Variants in MRPS22 observed in about 807,000 individuals in gnomAD.
MRPS22 encodes the protein mitochondrial ribosomal protein S22.
Under a neutral mutation model 44.0 loss-of-function variants are expected in MRPS22, and 30 were observed. That is an observed-to-expected ratio of 0.68 (90% CI 0.51 to 0.93). MRPS22 has a LOEUF of 0.93. Ranked by LOEUF, MRPS22 falls within the 40% of genes least tolerant of loss-of-function variation. The pLI, the probability that MRPS22 is intolerant of heterozygous loss-of-function variation, is 0.00. For missense variants in MRPS22, 447 were observed against 447.8 expected (o/e 1.00, Z 0.02); for synonymous variants, 165 against 154.4 (o/e 1.07, Z -0.51).
intron 1 of MRPS22, among the ~76,000 whole-genome samples, chr3:139,346,502 A>G (rs1024639329): frequency 6.6e-6 from 1 of 152,208 alleles, no homozygotes; most frequent in Non-Finnish European, 1.5e-5. Flanking sequence ...ATCCTCATTT[A>G]TAAAATTGGG....
rs565794807 is a variant in MRPS22 at position 139,355,298 on chromosome 3, C to T, written c.879-384C>T. Among the ~76,000 whole-genome samples, 159 of 152,222 alleles carry T rather than the reference C, an allele frequency of 1.0e-3. 1 individual carries two copies. Among genetic ancestry groups the T allele is most frequent in the African/African-American group, 3.8e-3 (157 of 41,526 alleles). On this transcript the variant is annotated intron_variant, in intron 6 of 7. Coordinates refer to ENST00000680020, the MANE Select transcript of MRPS22 (RefSeq NM_020191.4). ...ATGTGGGATGAAGCTGTGTTTCTGT[C>T]CTCTGAGTTGGATTAGACTATTACA...
At chr3:139,345,446 TTTTG>T (rs1560004688) in intron 1 of MRPS22, among the ~76,000 whole-genome samples, 3 of 140,468 alleles carry the variant, frequency 2.1e-5, no homozygotes, top group Admixed American at 1.4e-4. Flanking sequence ...GTGTTTTTTT[TTTTG>T]TTTTTTTTTT....
In MRPS22 at chr3:139,352,692, G is replaced by A; in HGVS notation, c.778G>A (p.Asp260Asn). The change falls in exon 6 of 8, where the codon GAC becomes AAC. Residue 260 changes from aspartate (D) to asparagine (N), a missense_variant. By Grantham distance (23) the Asp-to-Asn change is conservative. Coordinates refer to ENST00000680020, the MANE Select transcript of MRPS22 (RefSeq NM_020191.4). Reference protein sequence around the residue: ...YEDIDKRGKYDLLRSTRYFGG... With the variant: ...YEDIDKRGKYNLLRSTRYFGG... ...AGATATAGATAAACGTGGAAAATATGACCTTTTACGTTCAACAAGATACTT... is the reference window on the plus strand; with the variant it reads ...AGATATAGATAAACGTGGAAAATATAACCTTTTACGTTCAACAAGATACTT... The A allele has an allele frequency of 6.2e-7, 1 of 1,613,316 alleles. No homozygotes were observed. The highest frequency in any genetic ancestry group is 8.5e-7 in the Non-Finnish European group (1 of 1,179,350).
chr3:139,346,387 C>G (rs541382419), intron 1 of MRPS22, among the ~76,000 whole-genome samples: 5 of 152,132 alleles, frequency 3.3e-5, no homozygotes, highest in Non-Finnish European at 7.3e-5. Context: ...TACCGAGGAG[C>G]GCTATGATAA....
At chr3:139,351,268 G>T (rs1193174246) in intron 5 of MRPS22, 2 of 572,044 alleles carry the variant, frequency 3.5e-6, no homozygotes, top group African/African-American at 3.8e-5. Context: ...TAAGCTTGTA[G>T]AATTAAGTAG....
Position 139,357,020 on chromosome 3 carries a change from T to A in MRPS22, c.*6T>A, listed in dbSNP as rs1164581792. On this transcript the variant is annotated 3_prime_UTR_variant, in exon 8 of 8. Coordinates refer to ENST00000680020, the MANE Select transcript of MRPS22 (RefSeq NM_020191.4). ...GCCATTCTGCAGCTTCCTAAAAATA[T>A]TTTAAAAATACATTTATTTTACTAA... is the stretch of plus-strand genomic sequence containing the variant. 3 of 1,591,992 alleles carry A rather than the reference T, an allele frequency of 1.9e-6. No individual in the cohort carries two copies. The African/African-American group carries it at 4.0e-5, about 21-fold the overall frequency.
chr3:139,354,630 C>T (rs114734985), intron 6 of MRPS22, among the ~76,000 whole-genome samples: 14 of 152,200 alleles, frequency 9.2e-5, no homozygotes, highest in African/African-American at 3.4e-4. Flanking sequence ...CAGTATAAGC[C>T]CAGAGCATTT....
Position 139,352,713 on chromosome 3 carries a change from T to G in MRPS22, c.799T>G (p.Tyr267Asp). ...ATATGACCTTTTACGTTCAACAAGA[T>G]ACTTTGGTGGAATGGTGTGGTATTT... ...GKYDLLRSTR[Y>D]FGGMVWYFVN... Residue 267 changes from tyrosine (Y) to aspartate (D), a missense_variant, in exon 6 of 8, where the codon TAC becomes GAC. By Grantham distance (160) the Tyr-to-Asp change is radical. Coordinates refer to ENST00000680020, the MANE Select transcript of MRPS22 (RefSeq NM_020191.4). 1.2e-6 allele frequency: 2 copies of G among 1,613,580 alleles called. No individual in the cohort carries two copies. The highest frequency in any genetic ancestry group is 1.7e-6 in the Non-Finnish European group (2 of 1,179,496).
At chr3:139,345,456 T>TG (rs1243911789) in intron 1 of MRPS22, among the ~76,000 whole-genome samples, 23 of 149,100 alleles carry the variant, frequency 1.5e-4, no homozygotes, top group Non-Finnish European at 2.1e-4. Flanking sequence ...TTTTGTTTTT[T>TG]TTTTTTTTTT....
chr3:139,352,823 A>G, intron 6 of MRPS22, 31 bp downstream of exon 6: 1 of 1,604,670 alleles, frequency 6.2e-7, no homozygotes. Flanking sequence ...TGAAAGAATC[A>G]TTCTTATTGC....
intron 3 of MRPS22, among the ~76,000 whole-genome samples, chr3:139,349,726 A>G (rs990103143): frequency 6.6e-6 from 1 of 152,194 alleles, no homozygotes; most frequent in African/African-American, 2.4e-5. Flanking sequence ...AATATAAGAA[A>G]TCATAAAAGT....
intron 5 of MRPS22, chr3:139,351,308 G>T (rs1941147413): frequency 2.1e-6 from 1 of 484,362 alleles, no homozygotes; most frequent in African/African-American, 2.0e-5. Context: ...CTACTAAGTG[G>T]TAGGGTTAGG....
In MRPS22 at chr3:139,356,936, A is replaced by G; in HGVS notation, c.1005A>G (p.Glu335=). 1.2e-6 allele frequency: 2 copies of G among 1,612,796 alleles called. No homozygotes were observed. The highest frequency in any genetic ancestry group is 1.3e-5 in the African/African-American group (1 of 75,040). The change falls in exon 8 of 8, where the codon GAA becomes GAG. Residue 335 remains glutamate, a synonymous_variant. Transcript: ENST00000680020. ...INLIKVFAKT[E]AQKGAYIELT... ...TTAAACAGGTCTTTGCAAAAACAGA[A>G]GCACAGAAGGGAGCCTATATAGAAC...
intron 4 of MRPS22, 193 bp from the exon 5 acceptor site, chr3:139,350,784 T>A (rs1326744383): frequency 7.8e-6 from 5 of 638,480 alleles, no homozygotes; most frequent in African/African-American, 1.8e-5. Context: ...TGGGTTGTAC[T>A]AGGGTTCTCT....
chr3:139,350,914 C>T (rs1553775116), intron 4 of MRPS22, 63 bp from the exon 5 acceptor site: 7 of 1,314,210 alleles, frequency 5.3e-6, no homozygotes, highest in Non-Finnish European at 7.7e-6. Flanking sequence ...CCTGTCATGA[C>T]ATCAGGACAG....
At chr3:139,349,446 T>C in intron 3 of MRPS22, 1 of 332,438 alleles carries the variant, frequency 3.0e-6, no homozygotes. Flanking sequence ...TGTGTATCAA[T>C]TATCAGCAAT....
At chr3:139,347,625 A>G (rs1941065703) in intron 2 of MRPS22, among the ~76,000 whole-genome samples, 1 of 152,274 alleles carries the variant, frequency 6.6e-6, no homozygotes, top group South Asian at 2.1e-4. Context: ...TGCTTTTAAC[A>G]GTATGGCATG....
intron 2 of MRPS22, 98 bp from the exon 3 acceptor site, chr3:139,348,062 G>C: frequency 7.9e-7 from 1 of 1,262,408 alleles, no homozygotes; most frequent in Non-Finnish European, 1.1e-6. Context: ...TCTTTTCTAT[G>C]CAGGTTTTTG....
Position 139,357,124 on chromosome 3 carries a change from T to C in MRPS22, c.*110T>C, listed in dbSNP as rs1941298673. ...ATTAAAAGATATCAATTTGTAGTTC[T>C]CCCTACAAAGCAAAAATTATTACCC... is the stretch of plus-strand genomic sequence containing the variant. On this transcript the variant is annotated 3_prime_UTR_variant, in exon 8 of 8. Coordinates refer to ENST00000680020, the MANE Select transcript of MRPS22 (RefSeq NM_020191.4). 2.2e-6 allele frequency: 2 copies of C among 929,846 alleles called. No homozygotes were observed. The highest frequency in any genetic ancestry group is 2.2e-5 in the Admixed American group (1 of 45,736). The allele number at this position is 929,846 out of a possible 1,614,324, so 57.6% of individuals were successfully genotyped here. A position where few individuals can be genotyped will look rare whatever the true frequency, so the allele number is the denominator to read the frequency against.
Sources: gnomAD v4.1 joint callset for allele counts (sites outside exome capture counted in the v4.1 genomes callset) on GRCh38, gnomAD v4.1.1 for gene constraint, MANE v1.5 for transcripts, NCBI Gene and HGNC (gene_info 2026-07-23, HGNC 2026-07-21) for gene names.